The following ECHDC2 variants were observed in gnomAD, a reference collection of about 807,000 sequenced individuals.
ECHDC2 encodes the protein enoyl-CoA hydratase domain-containing protein 2, mitochondrial.
In ECHDC2, 34 loss-of-function variants were observed where a neutral mutation model predicts 40.6. The observed-to-expected ratio is 0.84, with a 90% CI of 0.64 to 1.11. The LOEUF is 1.11. Ranked by LOEUF, ECHDC2 falls within the 50% of genes most tolerant of loss-of-function variation. The pLI is 0.00. For missense variants in ECHDC2, 392 were observed against 400.7 expected (o/e 0.98, Z 0.19); for synonymous variants, 162 against 166.6 (o/e 0.97, Z 0.21).
chr1:52,921,079 G>A (rs1651772116), intron 1 of ECHDC2, among the ~76,000 whole-genome samples: 1 of 152,274 alleles, frequency 6.6e-6, no homozygotes, highest in South Asian at 2.1e-4. Context: ...GGAGCCAGAA[G>A]GACGCAAAGG....
rs1047783473 is a variant in ECHDC2, at chr1:52,920,665, G to T, written c.121+888C>A. Reference sequence around the variant, plus strand: ...CAGTATTTAAACCTCTCTATTCCCTGCCATAACATCTTTTGCCACCTATGG... The same window carrying T: ...CAGTATTTAAACCTCTCTATTCCCTTCCATAACATCTTTTGCCACCTATGG... On this transcript the variant is annotated intron_variant, in intron 1 of 9. Coordinates refer to ENST00000371522, the MANE Select transcript of ECHDC2 (RefSeq NM_001198961.2). 9 of 695,290 alleles carry T rather than the reference G, an allele frequency of 1.3e-5. No individual in the cohort carries two copies. In the Admixed American group the frequency reaches 1.3e-4, roughly 10 times the overall value. 43.1% of individuals were successfully genotyped at this position (695,290 alleles called of 1,614,324 possible).
intron 9 of ECHDC2, 25 bp from the exon 10 acceptor site, chr1:52,896,622 T>G (rs770735670): frequency 3.7e-6 from 6 of 1,602,042 alleles, no homozygotes. Context: ...AAAATATTAG[T>G]TTTGGGGGAG....
intron 7 of ECHDC2, chr1:52,899,553 C>A: frequency 3.3e-6 from 1 of 306,474 alleles, no homozygotes. Flanking sequence ...AGGCTGGTGT[C>A]ATCACTGATG....
intron 1 of ECHDC2, among the ~76,000 whole-genome samples, chr1:52,920,055 A>C (rs1399128894): frequency 6.6e-6 from 1 of 152,272 alleles, no homozygotes; most frequent in African/African-American, 2.4e-5. Flanking sequence ...CTTTGAAATC[A>C]GACCTGGTTC....
intron 3 of ECHDC2, among the ~76,000 whole-genome samples, chr1:52,908,811 G>A (rs1394577810): frequency 6.6e-6 from 1 of 151,286 alleles, no homozygotes; most frequent in Admixed American, 6.6e-5. Context: ...GTGGGCACCT[G>A]TAATCCCAGC....
At chr1:52,920,811 G>A (rs1651707618) in intron 1 of ECHDC2, among the ~76,000 whole-genome samples, 1 of 152,166 alleles carries the variant, frequency 6.6e-6, no homozygotes, top group South Asian at 2.1e-4. Context: ...AAATGCAGGA[G>A]ACAGGGGATG....
At chr1:52,917,978 A>G (rs776343888) in intron 1 of ECHDC2, among the ~76,000 whole-genome samples, 10 of 152,086 alleles carry the variant, frequency 6.6e-5, no homozygotes, top group African/African-American at 1.2e-4. Context: ...TTTTATTTTT[A>G]ATTTTTTTGA....
At chr1:52,897,526 C>G (rs1327090648) in intron 8 of ECHDC2, 42 bp from the exon 9 acceptor site, 2 of 1,608,392 alleles carry the variant, frequency 1.2e-6, no homozygotes, top group Non-Finnish European at 8.5e-7. Flanking sequence ...TGACCTTGTC[C>G]ATCTTCACCC....
chr1:52,896,934 A>C, intron 9 of ECHDC2: 1 of 318,992 alleles, frequency 3.1e-6, no homozygotes, highest in African/African-American at 2.1e-5. Context: ...TCTGGCTTTG[A>C]ATCCAGGTTC....
intron 5 of ECHDC2, chr1:52,905,354 G>A (rs1647507656): frequency 1.8e-6 from 1 of 542,184 alleles, no homozygotes; most frequent in South Asian, 2.5e-5. Flanking sequence ...AAAGGTGGAA[G>A]AAAGATGGCT....
At chr1:52,900,978 A>G (rs1003655785) in intron 7 of ECHDC2, 40 of 151,874 alleles carry the variant, frequency 2.6e-4, no homozygotes, top group African/African-American at 9.7e-4. Context: ...GGGCATCATC[A>G]TGAGATCCCA....
At chr1:52,904,180 G>C (rs1647205675) in intron 7 of ECHDC2, among the ~76,000 whole-genome samples, 1 of 152,080 alleles carries the variant, frequency 6.6e-6, no homozygotes, top group African/African-American at 2.4e-5. Context: ...TGGAAGTTCT[G>C]TATCTATTTT....
At chr1:52,909,254 C>A (rs1034320586) in intron 3 of ECHDC2, among the ~76,000 whole-genome samples, 2 of 151,974 alleles carry the variant, frequency 1.3e-5, no homozygotes, top group African/African-American at 4.8e-5. Context: ...AAGTATATAC[C>A]CAAAAGAGTT....
intron 3 of ECHDC2, among the ~76,000 whole-genome samples, chr1:52,908,682 C>G (rs1243322304): frequency 6.6e-6 from 1 of 151,250 alleles, no homozygotes; most frequent in Admixed American, 6.6e-5. Context: ...ACCTGTAATC[C>G]CAGCACTTTG....
At chr1:52,905,121 TC>T (rs1402899015) in intron 5 of ECHDC2, 31 bp from the exon 6 acceptor site, 2 of 1,611,470 alleles carry the variant, frequency 1.2e-6, no homozygotes, top group Non-Finnish European at 1.7e-6. Context: ...GAGGCCTCCC[TC>T]CCCCATCCGG....
In ECHDC2 at chr1:52,914,076, G is replaced by T; in HGVS notation, c.122-2286C>A. 1.4e-6 allele frequency: 1 copy of T among 730,360 alleles called. No homozygotes were observed. Among genetic ancestry groups the T allele is most frequent in the Non-Finnish European group, 2.1e-6 (1 of 478,074 alleles). 45.2% of individuals were successfully genotyped at this position (730,360 alleles called of 1,614,324 possible). A position where few individuals can be genotyped will look rare whatever the true frequency, so the allele number is the denominator to read the frequency against. ...AGAGACCAGGACAGACTCAAGGCCT[G>T]TCCTCATGGAACCTACAGCCTAGTG... On this transcript the variant is annotated intron_variant, in intron 1 of 9. Transcript: ENST00000371522. This position sits in a 1 kb window ranked among gnomAD's most constrained non-coding sequence, Gnocchi z 4.0.
intron 1 of ECHDC2, among the ~76,000 whole-genome samples, chr1:52,916,738 A>G (rs1271450758): frequency 6.6e-6 from 1 of 152,188 alleles, no homozygotes; most frequent in African/African-American, 2.4e-5. Context: ...TAATCAGCCA[A>G]GGTCCCTGTG....
chr1:52,921,351 C>A, intron 1 of ECHDC2: 1 of 1,272,504 alleles, frequency 7.9e-7, no homozygotes, highest in Non-Finnish European at 1.0e-6. Flanking sequence ...TTGCCAGAGG[C>A]CCCCCGCCCC....
In ECHDC2 at chr1:52,897,156, G is replaced by A. The variant is rs1282043405; in HGVS notation, c.801+281C>T. 20 of 516,294 alleles carry A rather than the reference G, an allele frequency of 3.9e-5. No individual in the cohort carries two copies. The Admixed American group carries it at 6.3e-4, about 16-fold the overall frequency. The allele number at this position is 516,294 out of a possible 1,614,324, so 32.0% of individuals were successfully genotyped here. A position where few individuals can be genotyped will look rare whatever the true frequency, so the allele number is the denominator to read the frequency against. On this transcript the variant is annotated intron_variant, in intron 9 of 9. Coordinates refer to ENST00000371522, the MANE Select transcript of ECHDC2 (RefSeq NM_001198961.2). The stretch of plus-strand genomic sequence containing the variant: ...CTTTACAGTGGCATCTGATACAGAG[G>A]CAAAAGATGTGGTTCTTCCTCTTAA...
Sources: allele counts gnomAD v4.1 joint callset (sites outside exome capture counted in the v4.1 genomes callset), GRCh38; gene constraint gnomAD v4.1.1; non-coding constraint Gnocchi (gnomAD v3.1); transcripts MANE v1.5; gene names NCBI Gene and HGNC (gene_info 2026-07-23, HGNC 2026-07-21).